Variants in PAX3 observed in about 807,000 individuals in gnomAD.
PAX3 encodes the protein paired box 3.
PAX3 carries 14 observed loss-of-function variants against 51.6 expected under a neutral mutation model. That is an observed-to-expected ratio of 0.27 (90% CI 0.18 to 0.42). PAX3 has a LOEUF of 0.42. PAX3 is among the 10% of genes least tolerant of loss of function. The probability of loss-of-function intolerance (pLI) is 1.00; values close to 1 mark genes in which losing one functional copy is unlikely to be tolerated. For synonymous variants in PAX3, 280 were observed against 253.4 expected, an observed-to-expected ratio of 1.11 and a Z score of -1.00; for missense variants, 540 against 642.8, an observed-to-expected ratio of 0.84 and a Z score of 1.73.
At chr2:222,281,256 T>C (rs1345449432) in intron 4 of PAX3, among the ~76,000 whole-genome samples, 1 of 152,206 alleles carries the variant, frequency 6.6e-6, no homozygotes, top group Non-Finnish European at 1.5e-5. Flanking sequence ...TCAGAGGGTG[T>C]TTTAGATGAC....
chr2:222,292,325 C>T (rs540036886), intron 4 of PAX3, among the ~76,000 whole-genome samples: 2 of 152,306 alleles, frequency 1.3e-5, no homozygotes, highest in East Asian at 3.9e-4. Flanking sequence ...TCACATCAAG[C>T]TGCTCCGAGC....
intron 4 of PAX3, chr2:222,287,628 C>A (rs965786149): frequency 6.6e-6 from 1 of 152,192 alleles, no homozygotes; most frequent in Non-Finnish European, 1.5e-5. Context: ...TATCTAGACC[C>A]AGGACATGGG....
In PAX3 at chr2:222,233,663, C is replaced by T. The variant is rs556311699; in HGVS notation, c.587-1380G>A. Among the ~76,000 whole-genome samples the T allele has an allele frequency of 2.6e-5, 4 of 152,212 alleles. No individual in the cohort carries two copies. In the East Asian group the frequency reaches 7.7e-4, roughly 29 times the overall value. On this transcript the variant is annotated intron_variant, in intron 4 of 8. Transcript: ENST00000392070. ...CAGCCCTCTCCCGGGACCCCAGATA[C>T]TGGGGTAGTGGGCAAAGATCTATCA...
intron 4 of PAX3, among the ~76,000 whole-genome samples, chr2:222,269,656 T>TAAA (rs36114578): frequency 9.5e-4 from 136 of 142,964 alleles, no homozygotes; most frequent in South Asian, 3.9e-3. Context: ...CACCTTTCCA[T>TAAA]AAAAAAAAAA....
At chr2:222,230,576 G>A (rs1432272362) in intron 5 of PAX3, among the ~76,000 whole-genome samples, 1 of 152,044 alleles carries the variant, frequency 6.6e-6, no homozygotes, top group African/African-American at 2.4e-5. Flanking sequence ...TTAAAAAAAG[G>A]TTGGGCATGG....
intron 5 of PAX3, among the ~76,000 whole-genome samples, chr2:222,230,175 CAA>C (rs748342288): frequency 3.6e-5 from 5 of 137,818 alleles, no homozygotes; most frequent in Admixed American, 7.3e-5. Context: ...GACCCTGTCT[CAA>C]AAAAAAAAAA....
At chr2:222,258,745 A>C (rs1462459356) in intron 4 of PAX3, among the ~76,000 whole-genome samples, 2 of 152,218 alleles carry the variant, frequency 1.3e-5, no homozygotes, top group African/African-American at 4.8e-5. Flanking sequence ...TTGCAATTAC[A>C]GAATATATGG....
At position 222,201,005 on chromosome 2, in the gene PAX3, T is replaced by G. The variant is rs1387632027; in HGVS notation, c.*403A>C. On this transcript the variant is annotated 3_prime_UTR_variant, in exon 9 of 9. Coordinates refer to ENST00000392070, the MANE Select transcript of PAX3 (RefSeq NM_181458.4). ...TCTATTATATTTTAGAACAGTCTGC[T>G]TGCCCAAACCAGTCTGGGTAAATCT... is the stretch of plus-strand genomic sequence containing the variant. The G allele has an allele frequency of 1.5e-6, 1 of 688,436 alleles. No homozygotes were observed. The highest frequency in any genetic ancestry group is 2.5e-6 in the Non-Finnish European group (1 of 397,410). The allele number at this position is 688,436 out of a possible 1,614,324, so 42.6% of individuals were successfully genotyped here. A position where few individuals can be genotyped will look rare whatever the true frequency, so the allele number is the denominator to read the frequency against.
chr2:222,278,693 C>A (rs553045233), intron 4 of PAX3, among the ~76,000 whole-genome samples: 1 of 152,354 alleles, frequency 6.6e-6, no homozygotes, highest in South Asian at 2.1e-4. Context: ...TGCCCACCAG[C>A]AAGGAGCTCC....
chr2:222,269,163 T>C (rs1466808878), intron 4 of PAX3, among the ~76,000 whole-genome samples: 1 of 152,238 alleles, frequency 6.6e-6, no homozygotes, highest in African/African-American at 2.4e-5. Context: ...GCAGTTTTCT[T>C]GGCTAATACT....
At chr2:222,215,741 A>G (rs560725010) in intron 7 of PAX3, among the ~76,000 whole-genome samples, 34 of 152,072 alleles carry the variant, frequency 2.2e-4, no homozygotes, top group Non-Finnish European at 4.4e-4. Flanking sequence ...GGTGCTGGTA[A>G]TGTACTCTCT....
chr2:222,214,877 A>AAAGGTTCT (rs1465330898), intron 7 of PAX3: 1 of 138,130 alleles, frequency 7.2e-6, no homozygotes, highest in Non-Finnish European at 1.6e-5. Context: ...AATAACAGTT[A>AAAGGTTCT]AAGGTTCTCT....
intron 5 of PAX3, among the ~76,000 whole-genome samples, chr2:222,223,762 C>G (rs1439997891): frequency 6.6e-6 from 1 of 152,198 alleles, no homozygotes; most frequent in African/African-American, 2.4e-5. Context: ...TTTGATGTAA[C>G]TTCACTCATG....
chr2:222,253,385 T>C lies in PAX3; in HGVS notation c.587-21102A>G, dbSNP rs538074061. On this transcript the variant is annotated intron_variant, in intron 4 of 8. Transcript: ENST00000392070. ...CCTGGTTTGACATTAGTCTGTTGAC[T>C]TTCTCAAACCCTAAAGACATTTTAG... 2.6e-5 allele frequency among the ~76,000 whole-genome samples: 4 copies of C among 152,308 alleles called. No individual in the cohort carries two copies. In the East Asian group the frequency reaches 7.7e-4, roughly 29 times the overall value.
intron 4 of PAX3, among the ~76,000 whole-genome samples, chr2:222,258,926 G>T (rs919802725): frequency 6.7e-6 from 1 of 149,270 alleles, no homozygotes; most frequent in African/African-American, 2.4e-5. Flanking sequence ...CCAAATCTGC[G>T]GTTGACTGTG....
intron 7 of PAX3, among the ~76,000 whole-genome samples, chr2:222,217,977 G>A (rs1332238520): frequency 6.6e-6 from 1 of 152,124 alleles, no homozygotes; most frequent in Non-Finnish European, 1.5e-5. Flanking sequence ...CTTTAACTTT[G>A]CCTGAGGAAA....
chr2:222,258,346 T>C (rs1693724655), intron 4 of PAX3, among the ~76,000 whole-genome samples: 1 of 152,224 alleles, frequency 6.6e-6, no homozygotes, highest in South Asian at 2.1e-4. Context: ...TTATTATTAT[T>C]ACCCATTATT....
intron 4 of PAX3, among the ~76,000 whole-genome samples, chr2:222,285,477 A>G (rs1694800056): frequency 6.6e-6 from 1 of 152,232 alleles, no homozygotes; most frequent in Admixed American, 6.5e-5. Context: ...GGATATGTTT[A>G]AAAGTCATTT....
chr2:222,291,454 G>A (rs1695035970), intron 4 of PAX3, among the ~76,000 whole-genome samples: 1 of 152,224 alleles, frequency 6.6e-6, no homozygotes. Context: ...CTTGAATTGA[G>A]CGAGGGAAAA....
Sources: gnomAD v4.1 joint callset for allele counts (sites outside exome capture counted in the v4.1 genomes callset) on GRCh38, gnomAD v4.1.1 for gene constraint, MANE v1.5 for transcripts, NCBI Gene and HGNC (gene_info 2026-07-23, HGNC 2026-07-21) for gene names.